Variants in SOBP observed in about 807,000 individuals in gnomAD.
SOBP encodes sine oculis binding protein homolog.
Under a neutral mutation model 53.6 loss-of-function variants are expected in SOBP, and 4 were observed. That is an observed-to-expected ratio of 0.07 (90% CI 0.04 to 0.17). SOBP has a LOEUF of 0.17. Ranked by LOEUF, SOBP falls within the 10% of genes least tolerant of loss-of-function variation. The pLI is 1.00. For missense variants in SOBP, 1,088 were observed against 1,204.7 expected, an observed-to-expected ratio of 0.90 and a Z score of 1.43; for synonymous variants, 584 against 522.6, an observed-to-expected ratio of 1.12 and a Z score of -1.60.
intron 1 of SOBP, among the ~76,000 whole-genome samples, chr6:107,501,528 T>C (rs1173060849): frequency 6.6e-6 from 1 of 152,210 alleles, no homozygotes; most frequent in Non-Finnish European, 1.5e-5. Context: ...TTCTTAGAGA[T>C]TGGGGCAGAT....
intron 5 of SOBP, among the ~76,000 whole-genome samples, chr6:107,632,794 GT>G (rs1770775125): frequency 6.6e-6 from 1 of 152,208 alleles, no homozygotes; most frequent in Admixed American, 6.5e-5. Context: ...TTTGGAAAAT[GT>G]TCTCTGGTGT....
intron 3 of SOBP, among the ~76,000 whole-genome samples, chr6:107,506,821 T>C (rs1783008169): frequency 6.6e-6 from 1 of 151,388 alleles, no homozygotes; most frequent in African/African-American, 2.4e-5. Context: ...TTTGGGAGGC[T>C]GAGGCGGGCG....
intron 4 of SOBP, among the ~76,000 whole-genome samples, chr6:107,566,601 T>G (rs1346027677): frequency 1.3e-5 from 2 of 152,232 alleles, no homozygotes; most frequent in African/African-American, 4.8e-5. Flanking sequence ...TCTCTGGCTG[T>G]CTGCTCCATG....
chr6:107,629,624 G>A (rs994363828), intron 5 of SOBP, among the ~76,000 whole-genome samples: 1 of 152,168 alleles, frequency 6.6e-6, no homozygotes, highest in South Asian at 2.1e-4. Flanking sequence ...ACCACAAGTC[G>A]TGCCTTTCGG....
At chr6:107,520,211 C>G (rs1413713544) in intron 3 of SOBP, among the ~76,000 whole-genome samples, 1 of 152,114 alleles carries the variant, frequency 6.6e-6, no homozygotes, top group Non-Finnish European at 1.5e-5. Context: ...AACAAAGAAA[C>G]TAAGTCAGGG....
Position 107,634,810 on chromosome 6 carries a change from C to G in SOBP, c.1966C>G (p.Leu656Val). 2.8e-6 allele frequency: 4 copies of G among 1,407,220 alleles called. No individual in the cohort carries two copies. The highest frequency in any genetic ancestry group is 2.8e-6 in the Non-Finnish European group (3 of 1,077,748). The allele number at this position is 1,407,220 out of a possible 1,614,324, so 87.2% of individuals were successfully genotyped here. ...LQGPQDGVID[L>V]TVGHRARLHN... ...GGGCCCGCAGGACGGCGTCATCGAC[C>G]TGACCGTGGGCCACCGAGCCCGGCT... The change falls in exon 6 of 7, where the codon CTG (leucine) becomes GTG (valine). Residue 656 changes from leucine to valine, a missense_variant. Coordinates refer to ENST00000317357, the MANE Select transcript of SOBP (RefSeq NM_018013.4). This position sits in a 1 kb window ranked among gnomAD's most constrained non-coding sequence, Gnocchi z 4.5.
chr6:107,551,068 T>C (rs1784446144), intron 4 of SOBP, among the ~76,000 whole-genome samples: 1 of 152,194 alleles, frequency 6.6e-6, no homozygotes, highest in Admixed American at 6.5e-5. Flanking sequence ...TTTCCTGAAC[T>C]GTGCAACCTT....
chr6:107,643,064 A>T (rs958442380), intron 6 of SOBP, among the ~76,000 whole-genome samples: 1 of 152,242 alleles, frequency 6.6e-6, no homozygotes, highest in Admixed American at 6.5e-5. Flanking sequence ...ACAATAACAA[A>T]TTATCTAGAA....
chr6:107,532,855 A>T (rs991584685), intron 3 of SOBP, among the ~76,000 whole-genome samples: 2 of 152,244 alleles, frequency 1.3e-5, no homozygotes, highest in Admixed American at 1.3e-4. Context: ...TCAGCGAGCC[A>T]GGCTTGTCCC....
At chr6:107,506,520 G>A in intron 3 of SOBP, 93 bp downstream of exon 3, 1 of 1,427,624 alleles carries the variant, frequency 7.0e-7, no homozygotes, top group South Asian at 1.2e-5. Context: ...AGTTAACTTT[G>A]GTAGAGGCTG....
At chr6:107,554,719 C>T (rs950056390) in intron 4 of SOBP, among the ~76,000 whole-genome samples, 2 of 152,144 alleles carry the variant, frequency 1.3e-5, no homozygotes, top group African/African-American at 4.8e-5. Flanking sequence ...AGCAACATTG[C>T]CCTCTAAATG....
intron 1 of SOBP, among the ~76,000 whole-genome samples, chr6:107,501,428 A>G (rs1200815173): frequency 6.6e-6 from 1 of 152,230 alleles, no homozygotes; most frequent in Non-Finnish European, 1.5e-5. Flanking sequence ...AGACAGAAAC[A>G]GGAGAAAGTG....
chr6:107,496,363 C>T (rs908541285), intron 1 of SOBP, among the ~76,000 whole-genome samples: 1 of 152,146 alleles, frequency 6.6e-6, no homozygotes, highest in Non-Finnish European at 1.5e-5. Context: ...GTCCTGGCAG[C>T]AGATTAAAAT....
rs529519322 is a variant in SOBP at position 107,592,227 on chromosome 6, T to C, written c.669+5052T>C. ...GTGCCAGTGATGACTTGAACTTTATTTACTCTCAGGCCCCTGGTTCTAAGT... is the reference window on the plus strand; with the variant it reads ...GTGCCAGTGATGACTTGAACTTTATCTACTCTCAGGCCCCTGGTTCTAAGT... On this transcript the variant is annotated intron_variant, in intron 5 of 6. Transcript: ENST00000317357. Among the ~76,000 whole-genome samples, 10 of 152,262 alleles carry C rather than the reference T, an allele frequency of 6.6e-5. No homozygotes were observed. In the South Asian group the frequency reaches 2.1e-3, roughly 32 times the overall value.
chr6:107,492,030 T>G (rs1305412230), intron 1 of SOBP, among the ~76,000 whole-genome samples: 1 of 152,194 alleles, frequency 6.6e-6, no homozygotes, highest in Non-Finnish European at 1.5e-5. Context: ...AATTAGGGGT[T>G]TTATTACTGG....
rs748844511 is a variant in SOBP, at chr6:107,634,020, G to A, written c.1176G>A (p.Pro392=). Residue 392 remains proline (P), a synonymous_variant, in exon 6 of 7, where the codon CCG becomes CCA. Transcript: ENST00000317357. The surrounding 1 kb of genome is among the most constrained non-coding windows in gnomAD (Gnocchi z 4.5). ...SPPMVMTNRG[P]VPLPIFMEQQ... is the part of the protein sequence containing the mutation. The stretch of plus-strand genomic sequence containing the variant: ...CCATGGTGATGACCAACCGCGGCCC[G>A]GTGCCGCTGCCCATCTTCATGGAGC... 4 of 1,611,950 alleles carry A rather than the reference G, an allele frequency of 2.5e-6. No individual in the cohort carries two copies. Among genetic ancestry groups the A allele is most frequent in the Admixed American group, 1.7e-5 (1 of 59,942 alleles).
intron 4 of SOBP, among the ~76,000 whole-genome samples, chr6:107,538,530 TCC>T (rs1207996327): frequency 1.3e-5 from 2 of 152,182 alleles, no homozygotes; most frequent in Admixed American, 6.5e-5. Context: ...TCCTGTGGAT[TCC>T]CCTTGGTTTT....
Position 107,635,269 on chromosome 6 carries a change from C to T in SOBP, c.2425C>T (p.Pro809Ser). 6.2e-7 allele frequency: 1 copy of T among 1,613,912 alleles called. No homozygotes were observed. Among genetic ancestry groups the T allele is most frequent in the Non-Finnish European group, 8.5e-7 (1 of 1,180,000 alleles). Residue 809 changes from proline to serine, a missense_variant, in exon 6 of 7, where the codon CCC (proline) becomes TCC (serine). Physicochemically the swap from Pro to Ser is moderately conservative, Grantham distance 74 (BLOSUM62 -1). Transcript: ENST00000317357. This position sits in a 1 kb window ranked among gnomAD's most constrained non-coding sequence, Gnocchi z 4.5. ...CAAGTCAGACCCGAACCTTAATAAC[C>T]CCGCGGACGAGGACCATGCCTATGC... is the stretch of plus-strand genomic sequence containing the variant. Reference protein sequence around the residue: ...GDKSDPNLNNPADEDHAYALR... With the variant: ...GDKSDPNLNNSADEDHAYALR...
intron 6 of SOBP, among the ~76,000 whole-genome samples, chr6:107,638,274 G>GACATTGGCTCACTGCA (rs1355224028): frequency 6.6e-6 from 1 of 152,130 alleles, no homozygotes; most frequent in East Asian, 1.9e-4. Flanking sequence ...GCAGTGGCGC[G>GACATTGGCTCACTGCA]ACCTTGGCTC....
Sources: gnomAD v4.1 joint callset for allele counts (sites outside exome capture counted in the v4.1 genomes callset) on GRCh38, gnomAD v4.1.1 for gene constraint, Gnocchi (gnomAD v3.1) non-coding constraint, MANE v1.5 for transcripts, NCBI Gene and HGNC (gene_info 2026-07-23, HGNC 2026-07-21) for gene names.